Variants in URI1 observed in about 807,000 individuals in gnomAD.
URI1 encodes the protein URI1 prefoldin like chaperone.
In URI1, 39 loss-of-function variants were observed where a neutral mutation model predicts 60.2. That is an observed-to-expected ratio of 0.65 (90% CI 0.50 to 0.85). The LOEUF is 0.85. Among genes scored for constraint, URI1 ranks in the 40% least tolerant of loss-of-function variants. The probability of loss-of-function intolerance (pLI) is 0.00; values close to 1 mark genes in which losing one functional copy is unlikely to be tolerated. For missense variants in URI1, 691 were observed against 665.9 expected (o/e 1.04, Z -0.42); for synonymous variants, 251 against 236.8 (o/e 1.06, Z -0.55).
chr19:29,957,485 C>A (rs1032847147), intron 1 of URI1, among the ~76,000 whole-genome samples: 1 of 151,774 alleles, frequency 6.6e-6, no homozygotes, highest in Non-Finnish European at 1.5e-5. Context: ...CTATTCTGTT[C>A]CATTGGATTA....
At chr19:29,986,877 A>AG (rs2145376968) in intron 4 of URI1, among the ~76,000 whole-genome samples, 1 of 152,290 alleles carries the variant, frequency 6.6e-6, no homozygotes, top group South Asian at 2.1e-4. Context: ...TGGAAAAAAA[A>AG]CCATATTTTC....
intron 1 of URI1, among the ~76,000 whole-genome samples, chr19:29,946,883 C>G (rs1280992888): frequency 6.6e-6 from 1 of 152,162 alleles, no homozygotes; most frequent in African/African-American, 2.4e-5. Context: ...TTCTTTCTTT[C>G]ATGGTTACAC....
In URI1 at chr19:29,982,022, A is replaced by G. The variant is rs532146904; in HGVS notation, c.153-3201A>G. On this transcript the variant is annotated intron_variant, in intron 2 of 10. Coordinates refer to ENST00000392271, the MANE Select transcript of URI1 (RefSeq NM_003796.3). ...ATTATTTAAGCCTGAAATAATAGAG[A>G]TACTATTTGGAGATCACTGTTTGAC... Among the ~76,000 whole-genome samples the G allele has an allele frequency of 3.5e-4, 54 of 152,264 alleles. 1 individual carries two copies. The highest frequency in any genetic ancestry group is 4.4e-5 in the Non-Finnish European group (3 of 68,004).
At chr19:29,964,457 TTGTTTTG>T (rs1224375920) in intron 1 of URI1, among the ~76,000 whole-genome samples, 66 of 148,116 alleles carry the variant, frequency 4.5e-4, no homozygotes, top group African/African-American at 1.7e-3. Context: ...TTTTTGTTTT[TTGTTTTG>T]TTTTTTTTTT....
upstream of URI1, chr19:29,937,618 T>A (rs2145209251): frequency 6.6e-6 from 1 of 152,348 alleles, no homozygotes. Flanking sequence ...TGGTTACTGA[T>A]GTTTTTGTTT....
intron 4 of URI1, among the ~76,000 whole-genome samples, chr19:29,991,293 T>G (rs1396278463): frequency 6.6e-6 from 1 of 152,182 alleles, no homozygotes; most frequent in Non-Finnish European, 1.5e-5. Flanking sequence ...TTAATCAGTT[T>G]TGTAGTTTTT....
upstream of URI1, among the ~76,000 whole-genome samples, chr19:29,939,293 T>C (rs1292121568): frequency 2.2e-5 from 3 of 133,598 alleles, no homozygotes; most frequent in African/African-American, 5.8e-5. Context: ...TTTTTTTTTT[T>C]AGACGAAGTG....
At chr19:29,992,623 T>C (rs1179154403) in intron 4 of URI1, among the ~76,000 whole-genome samples, 1 of 152,212 alleles carries the variant, frequency 6.6e-6, no homozygotes, top group African/African-American at 2.4e-5. Flanking sequence ...TGTTACAAAT[T>C]AGGGATTAAT....
chr19:29,942,539 G>A lies in URI1; in HGVS notation c.-9G>A. The A allele has an allele frequency of 7.2e-7, 1 of 1,396,776 alleles. No homozygotes were observed. The highest frequency in any genetic ancestry group is 1.5e-5 in the South Asian group (1 of 67,622). The allele number at this position is 1,396,776 out of a possible 1,614,324, so 86.5% of individuals were successfully genotyped here. A position where few individuals can be genotyped will look rare whatever the true frequency, so the allele number is the denominator to read the frequency against. On this transcript the variant is annotated 5_prime_UTR_variant, in exon 1 of 11. Transcript: ENST00000392271. ...ACTCACACGCCGCGCTGAGGCCCGC[G>A]GGCCCGTCATGGAGGCGCCCACCGT...
intron 2 of URI1, among the ~76,000 whole-genome samples, chr19:29,979,824 G>T (rs774932219): frequency 2.6e-5 from 4 of 152,016 alleles, no homozygotes; most frequent in Non-Finnish European, 4.4e-5. Flanking sequence ...CCTGAATTTT[G>T]TGGTACATTT....
At chr19:29,976,076 CT>C (rs2055519130) in intron 2 of URI1, among the ~76,000 whole-genome samples, 1 of 152,074 alleles carries the variant, frequency 6.6e-6, no homozygotes, top group Non-Finnish European at 1.5e-5. Context: ...AGACATTTAA[CT>C]TTTAGGATTA....
intron 1 of URI1, among the ~76,000 whole-genome samples, chr19:29,946,132 A>G (rs908679859): frequency 6.6e-6 from 1 of 152,218 alleles, no homozygotes; most frequent in Non-Finnish European, 1.5e-5. Flanking sequence ...AGAGAAATTC[A>G]GATCATCCTT....
chr19:29,986,292 G>A lies in URI1; in HGVS notation c.242G>A (p.Gly81Asp). The part of the protein sequence containing the change: ...KLSYNIMVPF[G>D]PFAFMPGKLV... The stretch of plus-strand genomic sequence containing the variant: ...TTTTTTAAACAATAGGTACCATTTG[G>A]CCCTTTTGCCTTCATGCCAGGAAAA... The change falls in exon 4 of 11, where the codon GGC becomes GAC. Residue 81 changes from glycine (G) to aspartate (D), a missense_variant. By Grantham distance (94) the Gly-to-Asp change is moderately conservative. Coordinates refer to ENST00000392271, the MANE Select transcript of URI1 (RefSeq NM_003796.3). 1 of 1,591,776 alleles carries A rather than the reference G, an allele frequency of 6.3e-7. No individual in the cohort carries two copies. Among genetic ancestry groups the A allele is most frequent in the South Asian group, 1.2e-5 (1 of 86,860 alleles).
rs569808299 is a variant in URI1, at chr19:29,975,694, C to T, written c.152+4467C>T. ...AATTTTTTTAGTATTTTAGTAAAGACGGGGTTTCACCGTGTTGCCCAGGCT... is the reference window on the plus strand; with the variant it reads ...AATTTTTTTAGTATTTTAGTAAAGATGGGGTTTCACCGTGTTGCCCAGGCT... On this transcript the variant is annotated intron_variant, in intron 2 of 10. Transcript: ENST00000392271. Among the ~76,000 whole-genome samples the T allele has an allele frequency of 4.6e-5, 7 of 152,054 alleles. No individual in the cohort carries two copies. In the South Asian group the frequency reaches 8.3e-4, roughly 18 times the overall value.
chr19:29,942,082 T>A (rs1599655095), upstream of URI1, among the ~76,000 whole-genome samples: 1 of 149,956 alleles, frequency 6.7e-6, no homozygotes, highest in Non-Finnish European at 1.5e-5. Flanking sequence ...AATGTAAGCT[T>A]CCAGAGGGAT....
Position 29,965,891 on chromosome 19 carries a change from T to A in URI1, c.118-5302T>A, listed in dbSNP as rs549867324. Among the ~76,000 whole-genome samples the A allele has an allele frequency of 1.4e-4, 21 of 152,342 alleles. No homozygotes were observed. In the South Asian group the frequency reaches 2.3e-3, roughly 17 times the overall value. ...GTCCGATATTTGTGTAAAACGAGAC[T>A]AGATTGGCATACAGGAAAAAATGCT... On this transcript the variant is annotated intron_variant, in intron 1 of 10. Transcript: ENST00000392271.
intron 1 of URI1, among the ~76,000 whole-genome samples, chr19:29,954,095 A>G (rs1310961111): frequency 1.3e-5 from 2 of 152,220 alleles, no homozygotes; most frequent in Non-Finnish European, 2.9e-5. Flanking sequence ...CCCTTCTTTC[A>G]TAGTGAAAAC....
intron 1 of URI1, among the ~76,000 whole-genome samples, chr19:29,953,131 A>G (rs987877250): frequency 2.0e-5 from 3 of 152,196 alleles, no homozygotes; most frequent in Non-Finnish European, 4.4e-5. Context: ...CTGAGATTTA[A>G]TTTATGCTCT....
intron 3 of URI1, among the ~76,000 whole-genome samples, chr19:29,985,728 A>G (rs1052656358): frequency 2.0e-5 from 3 of 152,194 alleles, no homozygotes; most frequent in Non-Finnish European, 2.9e-5. Context: ...TCACATCGAC[A>G]TAGTGATCTG....
Sources: gnomAD v4.1 joint callset for allele counts (sites outside exome capture counted in the v4.1 genomes callset) on GRCh38, gnomAD v4.1.1 for gene constraint, MANE v1.5 for transcripts, NCBI Gene and HGNC (gene_info 2026-07-23, HGNC 2026-07-21) for gene names.